ADARB2: variants seen among roughly 807,000 people sequenced by gnomAD.
ADARB2 encodes the protein adenosine deaminase RNA specific B2 (inactive).
ADARB2 carries 25 observed loss-of-function variants against 62.2 expected under a neutral mutation model. The ratio of observed to expected loss-of-function variants is 0.40; its 90% CI spans 0.29 to 0.56. The LOEUF is 0.56. ADARB2 is among the 20% of genes least tolerant of loss of function. ADARB2 has a pLI of 0.43. For missense variants in ADARB2, 1,071 were observed against 1,077.4 expected, an observed-to-expected ratio of 0.99 and a Z score of 0.08; for synonymous variants, 572 against 500.8, an observed-to-expected ratio of 1.14 and a Z score of -1.90.
chr10:1,633,138 C>A (rs1012751266), intron 1 of ADARB2, among the ~76,000 whole-genome samples: 2 of 152,170 alleles, frequency 1.3e-5, no homozygotes, highest in Non-Finnish European at 2.9e-5. Context: ...TGGACTCAGG[C>A]TAGGGCTACA....
chr10:1,352,693 A>G (rs574323608), intron 3 of ADARB2, among the ~76,000 whole-genome samples: 1 of 152,214 alleles, frequency 6.6e-6, no homozygotes, highest in South Asian at 2.1e-4. Flanking sequence ...TTTCTTCCTC[A>G]TACCTGACGC....
intron 1 of ADARB2, among the ~76,000 whole-genome samples, chr10:1,396,957 T>C (rs77390419): frequency 5.1e-5 from 5 of 98,908 alleles, no homozygotes; most frequent in Admixed American, 9.9e-5. Context: ...CCCTCCCGAG[T>C]GGAGGCTTCC....
intron 1 of ADARB2, among the ~76,000 whole-genome samples, chr10:1,661,590 C>T (rs1020769713): frequency 1.3e-5 from 2 of 152,180 alleles, no homozygotes; most frequent in South Asian, 4.1e-4. Flanking sequence ...AGAGGGTGGG[C>T]TTTAGCCAGG....
chr10:1,205,083 G>A (rs1383228537), intron 7 of ADARB2, among the ~76,000 whole-genome samples: 1 of 152,072 alleles, frequency 6.6e-6, no homozygotes, highest in Admixed American at 6.5e-5. Context: ...GGTCCCGGCC[G>A]CCATTCTGCA....
At chr10:1,306,358 T>C (rs1471636498) in intron 3 of ADARB2, among the ~76,000 whole-genome samples, 11 of 151,810 alleles carry the variant, frequency 7.2e-5, no homozygotes, top group Non-Finnish European at 2.9e-5. Flanking sequence ...ACAAGGGATG[T>C]GAAGGACCTC....
chr10:1,592,335 C>A (rs10903506), intron 1 of ADARB2, among the ~76,000 whole-genome samples: 69 of 82,448 alleles, frequency 8.4e-4, no homozygotes, highest in African/African-American at 2.6e-3. Flanking sequence ...CCCAAGCCAC[C>A]CTCCATAGGT....
intron 1 of ADARB2, among the ~76,000 whole-genome samples, chr10:1,395,782 G>C (rs1204448862): frequency 6.6e-6 from 1 of 152,228 alleles, no homozygotes; most frequent in Admixed American, 6.5e-5. Flanking sequence ...CTGCCCTCCT[G>C]TGATGGCCAG....
chr10:1,708,374 T>C (rs954821446), intron 1 of ADARB2, among the ~76,000 whole-genome samples: 1 of 152,184 alleles, frequency 6.6e-6, no homozygotes, highest in Non-Finnish European at 1.5e-5. Flanking sequence ...AAGCCCAATC[T>C]GCTCCTCAAA....
At chr10:1,586,466 T>C (rs1289538445) in intron 1 of ADARB2, among the ~76,000 whole-genome samples, 1 of 152,198 alleles carries the variant, frequency 6.6e-6, no homozygotes. Flanking sequence ...ACTTCCGGAA[T>C]AGAGTGAAGC....
chr10:1,446,108 G>A (rs531992756), intron 1 of ADARB2, among the ~76,000 whole-genome samples: 16 of 152,280 alleles, frequency 1.1e-4, no homozygotes, highest in Admixed American at 2.6e-4. Flanking sequence ...AATGCTTTGC[G>A]TTGTCATGGA....
intron 3 of ADARB2, among the ~76,000 whole-genome samples, chr10:1,296,901 A>G (rs1228010690): frequency 6.6e-6 from 1 of 152,210 alleles, no homozygotes; most frequent in Non-Finnish European, 1.5e-5. Flanking sequence ...CCTTGCTAAG[A>G]TGCTCGGTGC....
At chr10:1,202,521 TC>T (rs1385850761) in intron 7 of ADARB2, among the ~76,000 whole-genome samples, 1 of 152,154 alleles carries the variant, frequency 6.6e-6, no homozygotes, top group Non-Finnish European at 1.5e-5. Flanking sequence ...TTTGGCTTCT[TC>T]CCTTGACTCT....
At chr10:1,577,692 T>C (rs1478488982) in intron 1 of ADARB2, among the ~76,000 whole-genome samples, 2 of 152,144 alleles carry the variant, frequency 1.3e-5, no homozygotes, top group African/African-American at 4.8e-5. Context: ...CCACCATCCC[T>C]GCCGCACACG....
intron 3 of ADARB2, among the ~76,000 whole-genome samples, chr10:1,361,943 T>C (rs1832261256): frequency 6.6e-6 from 1 of 152,262 alleles, no homozygotes; most frequent in South Asian, 2.1e-4. Context: ...TAATTTTCTG[T>C]ATCTGCTACA....
At chr10:1,450,393 G>T (rs1831021622) in intron 1 of ADARB2, among the ~76,000 whole-genome samples, 1 of 152,230 alleles carries the variant, frequency 6.6e-6, no homozygotes, top group African/African-American at 2.4e-5. Flanking sequence ...TTTGGTTGCT[G>T]TAGGAGGCAT....
chr10:1,268,624 C>A (rs935959184), intron 4 of ADARB2, among the ~76,000 whole-genome samples: 7 of 152,152 alleles, frequency 4.6e-5, no homozygotes, highest in Non-Finnish European at 7.4e-5. Context: ...GAATTAAGAT[C>A]AAATGGCACA....
chr10:1,199,988 C>T lies in ADARB2; in HGVS notation c.1842G>A (p.Arg614=). Residue 614 remains arginine (R), a synonymous_variant, in exon 8 of 10, where the codon CGG becomes CGA. Transcript: ENST00000381312. ...EGVGQLPASY[R]HNRPLLSGVS... is the part of the protein sequence containing the mutation. ...TACCGCTGAGGAGAGGCCGGTTGTGCCGGTAGGAGGCGGGCAGCTGGCCGA... is the reference window on the plus strand; with the variant it reads ...TACCGCTGAGGAGAGGCCGGTTGTGTCGGTAGGAGGCGGGCAGCTGGCCGA... 2 of 1,567,252 alleles carry T rather than the reference C, an allele frequency of 1.3e-6. No homozygotes were observed. Among genetic ancestry groups the T allele is most frequent in the Non-Finnish European group, 8.6e-7 (1 of 1,159,632 alleles).
intron 1 of ADARB2, among the ~76,000 whole-genome samples, chr10:1,574,025 T>G (rs887540544): frequency 3.3e-5 from 5 of 152,234 alleles, no homozygotes; most frequent in African/African-American, 1.2e-4. Flanking sequence ...TCCCTGGCAT[T>G]TTTTGAAGAT....
chr10:1,567,451 T>C (rs2131990111), intron 1 of ADARB2, among the ~76,000 whole-genome samples: 1 of 152,218 alleles, frequency 6.6e-6, no homozygotes, highest in South Asian at 2.1e-4. Flanking sequence ...CCCAGGTCTG[T>C]CCCTCCCACT....
Sources: gnomAD v4.1 joint callset for allele counts (sites outside exome capture counted in the v4.1 genomes callset) on GRCh38, gnomAD v4.1.1 for gene constraint, MANE v1.5 for transcripts, NCBI Gene and HGNC (gene_info 2026-07-23, HGNC 2026-07-21) for gene names.